The following RARB variants were observed in gnomAD, a reference collection of about 807,000 sequenced individuals.
RARB encodes HBV-activated protein.
In RARB, 17 loss-of-function variants were observed where a neutral mutation model predicts 51.9. That is an observed-to-expected ratio of 0.33 (90% CI 0.22 to 0.49). The LOEUF is 0.49. RARB is among the 20% of genes least tolerant of loss of function. The pLI, the probability that RARB is intolerant of heterozygous loss-of-function variation, is 0.99. For missense variants in RARB, 369 were observed against 550.8 expected, an observed-to-expected ratio of 0.67 and a Z score of 3.30; for synonymous variants, 215 against 195.4, an observed-to-expected ratio of 1.10 and a Z score of -0.84.
intron 2 of RARB, among the ~76,000 whole-genome samples, chr3:24,964,056 C>G (rs1338006346): frequency 6.6e-6 from 1 of 152,028 alleles, no homozygotes; most frequent in Admixed American, 6.6e-5. Flanking sequence ...TTTTCATTCT[C>G]CTTGTTTTTC....
chr3:25,384,666 G>C (rs952095965), intron 5 of RARB, among the ~76,000 whole-genome samples: 1 of 152,104 alleles, frequency 6.6e-6, no homozygotes, highest in Non-Finnish European at 1.5e-5. Context: ...TCTTTTCTCT[G>C]CTACAAGCTC....
Position 25,159,941 on chromosome 3 carries a change from C to T in RARB, c.-279-14178C>T, listed in dbSNP as rs573383787. Among the ~76,000 whole-genome samples, 11 of 152,244 alleles carry T rather than the reference C, an allele frequency of 7.2e-5. No homozygotes were observed. The South Asian group carries it at 2.3e-3, about 32-fold the overall frequency. ...TATTTTGGGGGAAGAGAAAACTACC[C>T]ATTCTTTCTCCTCCCAACTCTCTTG... On this transcript the variant is annotated intron_variant, in intron 4 of 11. Transcript: ENST00000383772.
chr3:25,018,235 G>C (rs1428860054), intron 2 of RARB, among the ~76,000 whole-genome samples: 1 of 133,396 alleles, frequency 7.5e-6, no homozygotes, highest in Admixed American at 8.6e-5. Flanking sequence ...TGTGCAAATA[G>C]CATAGCAAAT....
intron 2 of RARB, among the ~76,000 whole-genome samples, chr3:25,500,454 G>GTTTTTTTTTTTTTTTTTTTTATT (rs1697245309): frequency 1.5e-5 from 1 of 66,144 alleles, no homozygotes; most frequent in Non-Finnish European, 2.9e-5. Context: ...TTCTTTTCTT[G>GTTTTTTTTTTTTTTTTTTTTATT]TTTTTTTTTT....
At chr3:24,834,068 G>A (rs1304092860) in intron 1 of RARB, among the ~76,000 whole-genome samples, 3 of 152,158 alleles carry the variant, frequency 2.0e-5, no homozygotes, top group African/African-American at 7.2e-5. Context: ...TTAGGAGGTT[G>A]AACATCAATT....
chr3:24,833,697 A>G (rs1219560625), intron 1 of RARB, among the ~76,000 whole-genome samples: 1 of 152,246 alleles, frequency 6.6e-6, no homozygotes, highest in Non-Finnish European at 1.5e-5. Context: ...TGTTCAGTTC[A>G]GAAACTTAGA....
intron 1 of RARB, among the ~76,000 whole-genome samples, chr3:24,832,649 AT>A: frequency 2.1e-5 from 3 of 142,612 alleles, no homozygotes. Context: ...ATATATATAT[AT>A]AATGTCAATT....
At chr3:24,911,622 G>A (rs1694990675) in intron 2 of RARB, among the ~76,000 whole-genome samples, 1 of 152,166 alleles carries the variant, frequency 6.6e-6, no homozygotes, top group Non-Finnish European at 1.5e-5. Context: ...TGGATTGTAT[G>A]GTTTCTCCAC....
chr3:24,843,900 T>TACACACACACAC (rs71057685), intron 1 of RARB, among the ~76,000 whole-genome samples: 67 of 145,250 alleles, frequency 4.6e-4, no homozygotes, highest in Middle Eastern at 3.5e-3. Context: ...GATTTGAGGG[T>TACACACACACAC]ACACACACAC....
chr3:24,937,511 T>A (rs536761315), intron 2 of RARB, among the ~76,000 whole-genome samples: 3 of 152,306 alleles, frequency 2.0e-5, no homozygotes, highest in African/African-American at 7.2e-5. Flanking sequence ...ATAAAACTGC[T>A]TTCCATTCCA....
At chr3:25,208,582 T>C (rs1304330816) in intron 5 of RARB, among the ~76,000 whole-genome samples, 1 of 152,218 alleles carries the variant, frequency 6.6e-6, no homozygotes. Flanking sequence ...TAGGATACTG[T>C]TCCCTTCCGC....
intron 3 of RARB, among the ~76,000 whole-genome samples, chr3:25,075,920 T>C (rs1183464552): frequency 1.3e-5 from 2 of 152,124 alleles, no homozygotes; most frequent in African/African-American, 2.4e-5. Context: ...ACAAGTTGTT[T>C]ATCTGTTTGT....
chr3:25,408,894 C>A (rs569891667), intron 5 of RARB, among the ~76,000 whole-genome samples: 4 of 151,958 alleles, frequency 2.6e-5, no homozygotes, highest in Non-Finnish European at 2.9e-5. Context: ...ATTAGCTGGG[C>A]GTGGTGACAG....
chr3:25,592,623 A>G (rs898999630), intron 5 of RARB, among the ~76,000 whole-genome samples: 34 of 152,332 alleles, frequency 2.2e-4, no homozygotes, highest in African/African-American at 7.9e-4. Flanking sequence ...GGCACAGGGC[A>G]GTGAGCAAGA....
chr3:25,207,190 G>C (rs1410195576), intron 5 of RARB, among the ~76,000 whole-genome samples: 1 of 152,162 alleles, frequency 6.6e-6, no homozygotes, highest in Non-Finnish European at 1.5e-5. Context: ...AGAATAATGA[G>C]GTCATTTGCC....
chr3:25,282,998 C>A (rs1231086939), intron 5 of RARB, among the ~76,000 whole-genome samples: 1 of 152,174 alleles, frequency 6.6e-6, no homozygotes, highest in Non-Finnish European at 1.5e-5. Flanking sequence ...ATTGTAAGAA[C>A]ACGGAGGAGC....
Position 25,240,873 on chromosome 3 carries a change from T to A in RARB, c.178+66298T>A, listed in dbSNP as rs563297151. On this transcript the variant is annotated intron_variant, in intron 5 of 11. Transcript: ENST00000383772. ...AGAATGAATTAGAGAAAATTTCTTC[T>A]CTCCTCAACTTTTTAGAATTGTTTG... Among the ~76,000 whole-genome samples the A allele has an allele frequency of 2.6e-5, 4 of 152,324 alleles. No individual in the cohort carries two copies. The East Asian group carries it at 7.7e-4, about 29-fold the overall frequency.
chr3:24,854,435 G>A (rs1179622863), intron 1 of RARB, among the ~76,000 whole-genome samples: 1 of 152,208 alleles, frequency 6.6e-6, no homozygotes, highest in Non-Finnish European at 1.5e-5. Flanking sequence ...AAGGAGTAAA[G>A]AGACCATGAT....
At chr3:24,887,424 C>A (rs145664293) in intron 2 of RARB, among the ~76,000 whole-genome samples, 132 of 152,336 alleles carry the variant, frequency 8.7e-4, no homozygotes, top group African/African-American at 3.2e-3. Flanking sequence ...CTGAGGCTGG[C>A]TTCTCTGTCT....
Sources: allele counts gnomAD v4.1 joint callset (sites outside exome capture counted in the v4.1 genomes callset), GRCh38; gene constraint gnomAD v4.1.1; transcripts MANE v1.5; gene names NCBI Gene and HGNC (gene_info 2026-07-23, HGNC 2026-07-21).